CNTNAP2: variants seen among roughly 807,000 people sequenced by gnomAD.
CNTNAP2 encodes the protein contactin-associated protein-like 2.
In CNTNAP2, 98 loss-of-function variants were observed where a neutral mutation model predicts 155.2. The observed-to-expected ratio is 0.63, with a 90% CI of 0.54 to 0.75. The LOEUF is 0.75. CNTNAP2 is among the 30% of genes least tolerant of loss of function. CNTNAP2 has a pLI of 0.00. For synonymous variants in CNTNAP2, 651 were observed against 631.2 expected (o/e 1.03, Z -0.47); for missense variants, 1,727 against 1,688.1 (o/e 1.02, Z -0.40).
chr7:147,419,106 C>T (rs952953253), intron 10 of CNTNAP2, among the ~76,000 whole-genome samples: 5 of 152,188 alleles, frequency 3.3e-5, no homozygotes, highest in Non-Finnish European at 7.3e-5. Context: ...AGGTTGAATC[C>T]ATAGCCACCA....
chr7:148,222,299 G>A (rs1436629308), intron 19 of CNTNAP2, among the ~76,000 whole-genome samples: 1 of 152,222 alleles, frequency 6.6e-6, no homozygotes, highest in Non-Finnish European at 1.5e-5. Context: ...TAGTTATGGA[G>A]GCTAAGAAGT....
chr7:146,760,493 C>T (rs983886714), intron 1 of CNTNAP2, among the ~76,000 whole-genome samples: 9 of 128,400 alleles, frequency 7.0e-5, no homozygotes, highest in Non-Finnish European at 1.2e-4. Flanking sequence ...GGCATAATCT[C>T]GACTCATTAC....
chr7:146,356,683 A>G (rs960173223), intron 1 of CNTNAP2, among the ~76,000 whole-genome samples: 1 of 152,216 alleles, frequency 6.6e-6, no homozygotes, highest in Non-Finnish European at 1.5e-5. Flanking sequence ...TATTCAATTC[A>G]TCCTAACTGA....
chr7:147,266,710 A>G (rs1410093631), intron 8 of CNTNAP2, among the ~76,000 whole-genome samples: 2 of 152,202 alleles, frequency 1.3e-5, no homozygotes, highest in Non-Finnish European at 2.9e-5. Flanking sequence ...TTTATGGCAG[A>G]ACTGGGGTTG....
intron 3 of CNTNAP2, among the ~76,000 whole-genome samples, chr7:146,854,526 C>T (rs534392564): frequency 6.6e-6 from 1 of 151,916 alleles, no homozygotes; most frequent in Non-Finnish European, 1.5e-5. Context: ...GGGAGAAAAC[C>T]AGTGGGCCAG....
intron 1 of CNTNAP2, among the ~76,000 whole-genome samples, chr7:146,541,317 A>G (rs1797949794): frequency 6.6e-6 from 1 of 152,068 alleles, no homozygotes; most frequent in Non-Finnish European, 1.5e-5. Flanking sequence ...AATAAAATAT[A>G]CCTCATCCTA....
intron 13 of CNTNAP2, among the ~76,000 whole-genome samples, chr7:147,813,891 T>C (rs1303485349): frequency 6.6e-6 from 1 of 152,158 alleles, no homozygotes; most frequent in African/African-American, 2.4e-5. Flanking sequence ...TAAAAGAATA[T>C]TATAGTTCCT....
At chr7:147,461,669 G>C (rs762411402) in intron 10 of CNTNAP2, among the ~76,000 whole-genome samples, 19 of 151,512 alleles carry the variant, frequency 1.3e-4, no homozygotes, top group African/African-American at 4.6e-4. Context: ...TTGAAAAAAA[G>C]CTACGTTTTG....
At chr7:148,194,368 A>G (rs1000845672) in intron 18 of CNTNAP2, among the ~76,000 whole-genome samples, 1 of 152,160 alleles carries the variant, frequency 6.6e-6, no homozygotes, top group African/African-American at 2.4e-5. Flanking sequence ...TTTGCCATTT[A>G]GTAACAAATT....
At chr7:147,526,010 T>A (rs1249853623) in intron 11 of CNTNAP2, among the ~76,000 whole-genome samples, 2 of 151,858 alleles carry the variant, frequency 1.3e-5, no homozygotes, top group East Asian at 3.9e-4. Flanking sequence ...CTGTCCAACA[T>A]GGTGAAACCC....
At chr7:146,455,048 C>T (rs7794742) in intron 1 of CNTNAP2, among the ~76,000 whole-genome samples, 88,735 of 151,948 alleles carry the variant, frequency 0.58, 28,928 homozygotes, top group South Asian at 0.82. Flanking sequence ...TTACCACCAT[C>T]TGGAGACTGC....
At chr7:146,770,476 G>A (rs1291278952) in intron 1 of CNTNAP2, among the ~76,000 whole-genome samples, 2 of 151,828 alleles carry the variant, frequency 1.3e-5, no homozygotes, top group Non-Finnish European at 2.9e-5. Flanking sequence ...CTTATAATAT[G>A]ATTATAGATT....
intron 16 of CNTNAP2, among the ~76,000 whole-genome samples, chr7:148,143,081 G>A (rs1040294458): frequency 3.3e-5 from 5 of 152,156 alleles, no homozygotes; most frequent in Admixed American, 3.3e-4. Context: ...AAGACCAGCT[G>A]TATTTCATTT....
At chr7:146,501,400 T>G (rs1797298465) in intron 1 of CNTNAP2, among the ~76,000 whole-genome samples, 1 of 152,198 alleles carries the variant, frequency 6.6e-6, no homozygotes, top group African/African-American at 2.4e-5. Context: ...TTATGTGTTT[T>G]ACATATATGC....
chr7:147,885,037 ACTGT>A (rs1799581868), intron 13 of CNTNAP2, among the ~76,000 whole-genome samples: 1 of 152,244 alleles, frequency 6.6e-6, no homozygotes, highest in Non-Finnish European at 1.5e-5. Context: ...GTAACACATG[ACTGT>A]CTGGAGAGTA....
chr7:148,399,471 T>A (rs1799539081), intron 22 of CNTNAP2, among the ~76,000 whole-genome samples: 1 of 152,150 alleles, frequency 6.6e-6, no homozygotes, highest in South Asian at 2.1e-4. Flanking sequence ...TTTAAACGCA[T>A]CCATAGCATC....
chr7:148,269,409 C>T (rs1054081744), intron 21 of CNTNAP2, among the ~76,000 whole-genome samples: 3 of 152,174 alleles, frequency 2.0e-5, no homozygotes, highest in African/African-American at 7.2e-5. Flanking sequence ...TGTATTTTTA[C>T]AGATCTTATC....
intron 15 of CNTNAP2, among the ~76,000 whole-genome samples, chr7:148,110,441 A>G (rs117060204): frequency 0.036 from 4,807 of 135,028 alleles, 279 homozygotes; most frequent in East Asian, 0.29. Flanking sequence ...CCCACCCCCC[A>G]CCACCTCATC....
chr7:147,696,038 A>T (rs193244378), intron 13 of CNTNAP2, among the ~76,000 whole-genome samples: 1 of 151,976 alleles, frequency 6.6e-6, no homozygotes, highest in Non-Finnish European at 1.5e-5. Flanking sequence ...ATGTTTCTCT[A>T]TCCATTTATT....
Sources: allele counts gnomAD v4.1 joint callset (sites outside exome capture counted in the v4.1 genomes callset), GRCh38; gene constraint gnomAD v4.1.1; transcripts MANE v1.5; gene names NCBI Gene and HGNC (gene_info 2026-07-23, HGNC 2026-07-21).